The following CIAO2B variants were observed in gnomAD, a reference collection of about 807,000 sequenced individuals.
CIAO2B encodes MSS19-interacting protein of 18 kDa.
A neutral mutation model predicts 16.4 loss-of-function variants in CIAO2B; 20 were observed. The observed-to-expected ratio is 1.22, with a 90% CI of 0.86 to 1.77. The LOEUF (loss-of-function observed/expected upper bound fraction) is 1.77. Among genes scored for constraint, CIAO2B ranks in the 40% most tolerant of loss-of-function variants. The probability of loss-of-function intolerance (pLI) is 0.00; values close to 1 mark genes in which losing one functional copy is unlikely to be tolerated. For missense variants in CIAO2B, 215 were observed against 222.4 expected (o/e 0.97, Z 0.21); for synonymous variants, 106 against 90.4 (o/e 1.17, Z -0.98).
At chr16:66,932,732 G>C (rs1404775690) in intron 4 of CIAO2B, 48 bp downstream of exon 4, 2 of 1,581,350 alleles carry the variant, frequency 1.3e-6, no homozygotes, top group African/African-American at 2.7e-5. Context: ...GCCTCAGACT[G>C]CTTAGGGGGT....
intron 4 of CIAO2B, 96 bp downstream of exon 4, chr16:66,932,684 T>C (rs1963079756): frequency 1.4e-6 from 2 of 1,395,586 alleles, no homozygotes; most frequent in Non-Finnish European, 2.0e-6. Context: ...CAGTTACCCA[T>C]CTCCAGTCTT....
intron 4 of CIAO2B, 189 bp downstream of exon 4, chr16:66,932,591 G>C (rs1385412059): frequency 5.3e-6 from 4 of 754,588 alleles, no homozygotes. Context: ...AAGAGGACAT[G>C]GTAAGCAAAG....
In CIAO2B at chr16:66,934,169, G is replaced by A; in HGVS notation, c.142+54C>T. ...GCTCCACCAGCTGCTCGATATCACT[G>A]CTCCCCCCACCGCAAGCCCCCGGAA... On this transcript the variant is annotated intron_variant, in intron 1 of 4. Coordinates refer to ENST00000422424, the MANE Select transcript of CIAO2B (RefSeq NM_016062.4). The surrounding 1 kb of genome is among the most constrained non-coding windows in gnomAD (Gnocchi z 4.1). 1.9e-6 allele frequency: 3 copies of A among 1,609,736 alleles called. No homozygotes were observed. Among genetic ancestry groups the A allele is most frequent in the Admixed American group, 3.3e-5 (2 of 59,822 alleles).
rs756804609 is a variant in CIAO2B, at chr16:66,934,344, G to A, written c.21C>T (p.Val7=). Reference sequence around the variant, plus strand: ...TGGCATTCTCCAGGAGGCCGCCGCCGACCCCGCCGCCGCCTACCATCGCGG... The same window carrying A: ...TGGCATTCTCCAGGAGGCCGCCGCCAACCCCGCCGCCGCCTACCATCGCGG... The part of the protein sequence containing the change: MVGGGG[V]GGGLLENANP... Residue 7 remains valine, a synonymous_variant, in exon 1 of 5, where the codon GTC becomes GTT. Transcript: ENST00000422424. The surrounding 1 kb of genome is among the most constrained non-coding windows in gnomAD (Gnocchi z 4.1). The A allele has an allele frequency of 2.0e-5, 31 of 1,573,240 alleles. No homozygotes were observed. The African/African-American group carries it at 2.3e-4, about 12-fold the overall frequency.
Position 66,933,997 on chromosome 16 carries a change from A to AC in CIAO2B, c.211dup (p.Val71GlyfsTer6). The AC allele has an allele frequency of 6.2e-7, 1 of 1,613,604 alleles. No individual in the cohort carries two copies. Among genetic ancestry groups the AC allele is most frequent in the Non-Finnish European group, 8.5e-7 (1 of 1,179,840 alleles). ...TCGGAAGTGACTCACCTGAACCCGC[A>AC]CCTGCTCTACTACGTTCAACTCCTC... is the stretch of plus-strand genomic sequence containing the variant. On this transcript the variant is annotated frameshift_variant, in exon 2 of 5. Coordinates refer to ENST00000422424, the MANE Select transcript of CIAO2B (RefSeq NM_016062.4). LOFTEE classifies it high-confidence loss of function.
At chr16:66,933,854 A>C in intron 2 of CIAO2B, 115 bp from the exon 3 acceptor site, 1 of 1,538,378 alleles carries the variant, frequency 6.5e-7, no homozygotes. Flanking sequence ...TTCAACACCC[A>C]TAAAATAGGC....
At chr16:66,932,482 T>G (rs1963072573) in intron 4 of CIAO2B, 182 bp from the exon 5 acceptor site, 1 of 721,874 alleles carries the variant, frequency 1.4e-6, no homozygotes, top group African/African-American at 1.7e-5. Flanking sequence ...TGAGCCCACC[T>G]AATCTGCCTT....
chr16:66,933,931 G>A, intron 2 of CIAO2B, 56 bp downstream of exon 2: 2 of 1,603,088 alleles, frequency 1.2e-6, no homozygotes, highest in African/African-American at 2.7e-5. Flanking sequence ...AGCTCCTGCT[G>A]CACAGAAACC....
rs1963131907 is a variant in CIAO2B at position 66,934,150 on chromosome 16, C to G, written c.142+73G>C. 1 of 1,611,118 alleles carries G rather than the reference C, an allele frequency of 6.2e-7. No individual in the cohort carries two copies. The highest frequency in any genetic ancestry group is 8.5e-7 in the Non-Finnish European group (1 of 1,178,946). On this transcript the variant is annotated intron_variant, in intron 1 of 4. Coordinates refer to ENST00000422424, the MANE Select transcript of CIAO2B (RefSeq NM_016062.4). The surrounding 1 kb of genome is among the most constrained non-coding windows in gnomAD (Gnocchi z 4.1). ...AACGCCCTGCTGGGATGCGGCTCCA[C>G]CAGCTGCTCGATATCACTGCTCCCC... is the stretch of plus-strand genomic sequence containing the variant.
At position 66,934,344 on chromosome 16, in the gene CIAO2B, G is replaced by T. The variant is rs756804609; in HGVS notation, c.21C>A (p.Val7=). ...TGGCATTCTCCAGGAGGCCGCCGCC[G>T]ACCCCGCCGCCGCCTACCATCGCGG... The part of the protein sequence containing the change: MVGGGG[V]GGGLLENANP... The change falls in exon 1 of 5, where the codon GTC becomes GTA. Residue 7 remains valine, a synonymous_variant. Coordinates refer to ENST00000422424, the MANE Select transcript of CIAO2B (RefSeq NM_016062.4). The surrounding 1 kb of genome is among the most constrained non-coding windows in gnomAD (Gnocchi z 4.1). 3.2e-6 allele frequency: 5 copies of T among 1,573,240 alleles called. No individual in the cohort carries two copies. Among genetic ancestry groups the T allele is most frequent in the Middle Eastern group, 1.7e-4 (1 of 5,990 alleles).
chr16:66,932,838 T>C lies in CIAO2B; in HGVS notation c.349-13A>G. 1 of 1,611,378 alleles carries C rather than the reference T, an allele frequency of 6.2e-7. No individual in the cohort carries two copies. Among genetic ancestry groups the C allele is most frequent in the South Asian group, 1.1e-5 (1 of 90,406 alleles). Reference sequence around the variant, plus strand: ...TGTGCACGTCCATCTGGGAGGGAGATAACCAGGGCCTGAACACCCACCCAC... The same window carrying C: ...TGTGCACGTCCATCTGGGAGGGAGACAACCAGGGCCTGAACACCCACCCAC... On this transcript the variant is annotated splice_polypyrimidine_tract_variant and intron_variant, in intron 3 of 4. Transcript: ENST00000422424.
At position 66,934,248 on chromosome 16, in the gene CIAO2B, G is replaced by T. The variant is rs202164467; in HGVS notation, c.117C>A (p.Asp39Glu). Residue 39 changes from aspartate to glutamate, a missense_variant, in exon 1 of 5, where the codon GAC (aspartate) becomes GAA (glutamate). Transcript: ENST00000422424. This position sits in a 1 kb window ranked among gnomAD's most constrained non-coding sequence, Gnocchi z 4.1. The part of the protein sequence containing the change: ...TAGEEDEQVP[D>E]SIDAREIFDL... ...CGAAGATCTCGCGTGCGTCGATGCTGTCGGGAACCTGCTCGTCCTCCTCGC... is the reference window on the plus strand; with the variant it reads ...CGAAGATCTCGCGTGCGTCGATGCTTTCGGGAACCTGCTCGTCCTCCTCGC... The T allele has an allele frequency of 6.2e-6, 10 of 1,609,948 alleles. No individual in the cohort carries two copies. Among genetic ancestry groups the T allele is most frequent in the Non-Finnish European group, 8.5e-6 (10 of 1,179,582 alleles).
At position 66,934,353 on chromosome 16, in the gene CIAO2B, G is replaced by A. The variant is rs1335129253; in HGVS notation, c.12C>T (p.Gly4=). 1.9e-6 allele frequency: 3 copies of A among 1,565,106 alleles called. No homozygotes were observed. The highest frequency in any genetic ancestry group is 8.6e-7 in the Non-Finnish European group (1 of 1,162,442). The change falls in exon 1 of 5, where the codon GGC becomes GGT. Residue 4 remains glycine (G), a synonymous_variant. Transcript: ENST00000422424. This position sits in a 1 kb window ranked among gnomAD's most constrained non-coding sequence, Gnocchi z 4.1. ...CCAGGAGGCCGCCGCCGACCCCGCC[G>A]CCGCCTACCATCGCGGAACCACCAC... The part of the protein sequence containing the change: MVG[G]GGVGGGLLEN...
In CIAO2B at chr16:66,934,049, T is replaced by C. The variant is rs1434648533; in HGVS notation, c.160A>G (p.Asn54Asp). ...REIFDLIRSI[N>D]DPEHPLTLEE... is the part of the protein sequence containing the mutation. Reference sequence around the variant, plus strand: ...AGCGTCAGTGGATGCTCCGGGTCATTGATGGAGCGAATCAGATGTGGGAAG... The same window carrying C: ...AGCGTCAGTGGATGCTCCGGGTCATCGATGGAGCGAATCAGATGTGGGAAG... Residue 54 changes from asparagine (N) to aspartate (D), a missense_variant, in exon 2 of 5, where the codon AAT becomes GAT. Asn to Asp is a conservative substitution (Grantham distance 23). Transcript: ENST00000422424. The surrounding 1 kb of genome is among the most constrained non-coding windows in gnomAD (Gnocchi z 4.1). The C allele has an allele frequency of 1.2e-6, 2 of 1,613,712 alleles. No individual in the cohort carries two copies. Among genetic ancestry groups the C allele is most frequent in the Non-Finnish European group, 1.7e-6 (2 of 1,179,854 alleles).
At chr16:66,932,505 C>T in intron 4 of CIAO2B, 1 of 717,320 alleles carries the variant, frequency 1.4e-6, no homozygotes, top group South Asian at 1.5e-5. Context: ...TAGGATCCCT[C>T]CCCCTGGCTG....
At chr16:66,932,871 C>A (rs1203984691) in intron 3 of CIAO2B, 46 bp from the exon 4 acceptor site, 1 of 1,602,192 alleles carries the variant, frequency 6.2e-7, no homozygotes, top group East Asian at 2.3e-5. Flanking sequence ...CACCGACCCA[C>A]ACTTTTCCCT....
chr16:66,933,593 CG>C lies in CIAO2B; in HGVS notation c.348+20del, dbSNP rs1054678990. Reference sequence around the variant, plus strand: ...GACCCTCAATGCCTGGTCTCACTCCCGGGGCTCAGCTCCAACTGACCTTGAA... The same window carrying C: ...GACCCTCAATGCCTGGTCTCACTCCCGGGCTCAGCTCCAACTGACCTTGAA... On this transcript the variant is annotated intron_variant, in intron 3 of 4. Transcript: ENST00000422424. 9 of 1,606,570 alleles carry C rather than the reference CG, an allele frequency of 5.6e-6. No individual in the cohort carries two copies. Among genetic ancestry groups the C allele is most frequent in the Non-Finnish European group, 7.6e-6 (9 of 1,176,924 alleles).
intron 3 of CIAO2B, among the ~76,000 whole-genome samples, 180 bp from the exon 4 acceptor site, chr16:66,933,005 C>G (rs1265644579): frequency 2.0e-5 from 3 of 151,072 alleles, no homozygotes; most frequent in Non-Finnish European, 4.4e-5. Flanking sequence ...TTTTTTTTTC[C>G]AAGACTGAGT....
chr16:66,933,800 G>A (rs1963118933), intron 2 of CIAO2B, 61 bp from the exon 3 acceptor site: 2 of 1,544,392 alleles, frequency 1.3e-6, no homozygotes. Flanking sequence ...CCTCTTCTTA[G>A]TTTGTTGTTT....
Sources: gnomAD v4.1 joint callset for allele counts (sites outside exome capture counted in the v4.1 genomes callset) on GRCh38, gnomAD v4.1.1 for gene constraint, Gnocchi (gnomAD v3.1) non-coding constraint, MANE v1.5 for transcripts, NCBI Gene and HGNC (gene_info 2026-07-23, HGNC 2026-07-21) for gene names.